The following ZNF791 variants were observed in gnomAD, a reference collection of about 807,000 sequenced individuals.
ZNF791 encodes zinc finger protein 791.
ZNF791 carries 4 observed loss-of-function variants against 11.5 expected under a neutral mutation model. That is an observed-to-expected ratio of 0.35 (90% CI 0.17 to 0.80). ZNF791 has a LOEUF of 0.80. Among genes scored for constraint, ZNF791 ranks in the 30% least tolerant of loss-of-function variants. The pLI is 0.53. For synonymous variants in ZNF791, 212 were observed against 228.1 expected (o/e 0.93, Z 0.64); for missense variants, 559 against 699.4 (o/e 0.80, Z 2.26).
intron 1 of ZNF791, among the ~76,000 whole-genome samples, chr19:12,619,513 G>T (rs544088732): frequency 8.5e-5 from 12 of 140,466 alleles, no homozygotes; most frequent in Non-Finnish European, 1.5e-4. Context: ...GCAGTGGCGC[G>T]ATCTGGGCTC....
In ZNF791 at chr19:12,627,829, T is replaced by C. The variant is rs1481029977; in HGVS notation, c.300T>C (p.Tyr100=). Reference sequence around the variant, plus strand: ...AGAAGACTGCCGGAGTAAAACCATATGAGTGTACTATCTGTGGAAAAGCCT... The same window carrying C: ...AGAAGACTGCCGGAGTAAAACCATACGAGTGTACTATCTGTGGAAAAGCCT... The part of the protein sequence containing the change: ...VTKKTAGVKP[Y]ECTICGKAFM... Residue 100 remains tyrosine, a synonymous_variant, in exon 4 of 4, where the codon TAT becomes TAC. Transcript: ENST00000343325. The C allele has an allele frequency of 6.2e-7, 1 of 1,614,160 alleles. No individual in the cohort carries two copies. Among genetic ancestry groups the C allele is most frequent in the Non-Finnish European group, 8.5e-7 (1 of 1,180,016 alleles).
chr19:12,614,855 A>G (rs1599319999), intron 1 of ZNF791, among the ~76,000 whole-genome samples: 1 of 112,366 alleles, frequency 8.9e-6, no homozygotes, highest in African/African-American at 3.4e-5. Flanking sequence ...GGCCTCCCAG[A>G]GGGCTGGGAT....
rs879920243 is a variant in ZNF791, at chr19:12,616,366, G to A, written c.3+5284G>A. On this transcript the variant is annotated intron_variant, in intron 1 of 3. Coordinates refer to ENST00000343325, the MANE Select transcript of ZNF791 (RefSeq NM_153358.3). ...CCAGCTACTCCAGAGGCTAAAGTGG[G>A]AGGATTGCCTGCACCCAGGATTATA... is the stretch of plus-strand genomic sequence containing the variant. 5.3e-5 allele frequency among the ~76,000 whole-genome samples: 8 copies of A among 152,158 alleles called. No individual in the cohort carries two copies. In the East Asian group the frequency reaches 1.5e-3, roughly 29 times the overall value.
At chr19:12,616,795 A>G (rs2023250065) in intron 1 of ZNF791, among the ~76,000 whole-genome samples, 1 of 152,182 alleles carries the variant, frequency 6.6e-6, no homozygotes, top group Admixed American at 6.6e-5. Context: ...TGTGCCTTTT[A>G]TTTTTATTCT....
intron 1 of ZNF791, among the ~76,000 whole-genome samples, chr19:12,617,971 G>A (rs1184702221): frequency 6.9e-6 from 1 of 145,806 alleles, no homozygotes; most frequent in Non-Finnish European, 1.5e-5. Flanking sequence ...AGGCTGGAGT[G>A]CAGAGGCAAG....
intron 2 of ZNF791, among the ~76,000 whole-genome samples, chr19:12,624,223 G>T (rs146966612): frequency 0.022 from 3,139 of 143,734 alleles, 121 homozygotes; most frequent in African/African-American, 0.078. Context: ...CGGGATCTTG[G>T]CTCACTGTAA....
Position 12,611,158 on chromosome 19 carries a change from C to A in ZNF791, c.3+76C>A, listed in dbSNP as rs2023149538. On this transcript the variant is annotated intron_variant, in intron 1 of 3. Transcript: ENST00000343325. ...GGGCCTCCCCACGGTCACCTCCGGC[C>A]GCAGTGTGGGGCTGGGCTGGCAGCT... 15 of 1,590,040 alleles carry A rather than the reference C, an allele frequency of 9.4e-6. No homozygotes were observed. The South Asian group carries it at 1.6e-4, about 17-fold the overall frequency.
At position 12,617,913 on chromosome 19, in the gene ZNF791, CTTTTTTTTTTTTT is replaced by C. The variant is rs958944041; in HGVS notation, c.4-5778_4-5766del. Among the ~76,000 whole-genome samples, 4 of 94,746 alleles carry C rather than the reference CTTTTTTTTTTTTT, an allele frequency of 4.2e-5. No individual in the cohort carries two copies. In the East Asian group the frequency reaches 8.5e-4, roughly 20 times the overall value. 62.2% of individuals were successfully genotyped at this position (94,746 alleles called of 152,430 possible). A position where few individuals can be genotyped will look rare whatever the true frequency, so the allele number is the denominator to read the frequency against. On this transcript the variant is annotated intron_variant, in intron 1 of 3. Transcript: ENST00000343325. Reference sequence around the variant, plus strand: ...GTGCCACATACAGGGCTAAATTTTGCTTTTTTTTTTTTTTTTTTTTTGAGACAGAGTTTCGTCC... The same window carrying C: ...GTGCCACATACAGGGCTAAATTTTGCTTTTTTTTGAGACAGAGTTTCGTCC...
intron 2 of ZNF791, among the ~76,000 whole-genome samples, chr19:12,624,428 C>T (rs1022098495): frequency 1.3e-5 from 2 of 152,234 alleles, no homozygotes; most frequent in Admixed American, 1.3e-4. Context: ...GTGGGGATTA[C>T]AGGCATGAGC....
intron 1 of ZNF791, 141 bp from the exon 2 acceptor site, chr19:12,623,559 A>G: frequency 9.6e-7 from 1 of 1,044,608 alleles, no homozygotes; most frequent in Middle Eastern, 2.4e-4. Context: ...TATGTGTTCA[A>G]TGTGCTGTTA....
At chr19:12,611,140 C>T (rs2023149068) in intron 1 of ZNF791, 58 bp downstream of exon 1, 1 of 1,607,508 alleles carries the variant, frequency 6.2e-7, no homozygotes, top group East Asian at 2.2e-5. Flanking sequence ...CCCGGGCCTC[C>T]CCACGGTCAC....
intron 1 of ZNF791, among the ~76,000 whole-genome samples, chr19:12,620,863 C>T (rs1005540794): frequency 2.1e-5 from 3 of 143,726 alleles, no homozygotes; most frequent in Non-Finnish European, 4.5e-5. Context: ...CGGGTTCAAG[C>T]GATTCTCCTG....
chr19:12,620,811 A>G (rs1599323538), intron 1 of ZNF791, among the ~76,000 whole-genome samples: 1 of 123,902 alleles, frequency 8.1e-6, no homozygotes, highest in Non-Finnish European at 1.6e-5. Context: ...CCCAGGCTGG[A>G]CTGCAGTGGT....
In ZNF791 at chr19:12,610,970, C is replaced by T; in HGVS notation, c.-110C>T. ...TCGGGTTGTGCTTAGCTTGGGGTCT[C>T]CTGGCCCCTTGACGCGTCAGGTTGC... On this transcript the variant is annotated 5_prime_UTR_variant, in exon 1 of 4. Transcript: ENST00000343325. The T allele has an allele frequency of 2.7e-6, 4 of 1,466,154 alleles. No homozygotes were observed. The highest frequency in any genetic ancestry group is 1.7e-5 in the Admixed American group (1 of 59,102). The allele number at this position is 1,466,154 out of a possible 1,614,324, so 90.8% of individuals were successfully genotyped here. A position where few individuals can be genotyped will look rare whatever the true frequency, so the allele number is the denominator to read the frequency against.
chr19:12,613,871 GA>G (rs2023200277), intron 1 of ZNF791, among the ~76,000 whole-genome samples: 1 of 152,152 alleles, frequency 6.6e-6, no homozygotes, highest in African/African-American at 2.4e-5. Context: ...GGGAAGAGGG[GA>G]GGATGTCTGA....
chr19:12,627,922 A>C lies in ZNF791; in HGVS notation c.393A>C (p.Pro131=), dbSNP rs374732347. The change falls in exon 4 of 4, where the codon CCA becomes CCC. Residue 131 remains proline (P), a synonymous_variant. Transcript: ENST00000343325. ...SHTGYELFEK[P]YKCKECEKAF... is the part of the protein sequence containing the mutation. ...CTGGATACGAGCTATTTGAGAAGCC[A>C]TATAAATGTAAGGAGTGTGAGAAAG... is the stretch of plus-strand genomic sequence containing the variant. 1.3e-5 allele frequency: 21 copies of C among 1,614,228 alleles called. No homozygotes were observed. The African/African-American group carries it at 2.8e-4, about 22-fold the overall frequency.
intron 1 of ZNF791, among the ~76,000 whole-genome samples, chr19:12,614,825 C>G (rs1043520592): frequency 1.2e-4 from 18 of 146,572 alleles, no homozygotes; most frequent in Non-Finnish European, 2.2e-4. Context: ...AGCTCCCCAC[C>G]TAGGTGATCT....
At chr19:12,622,000 C>T (rs979977777) in intron 1 of ZNF791, among the ~76,000 whole-genome samples, 1 of 135,008 alleles carries the variant, frequency 7.4e-6, no homozygotes, top group African/African-American at 2.6e-5. Context: ...TCATTTTGTT[C>T]TGCACTAAGA....
In ZNF791 at chr19:12,628,486, A is replaced by T; in HGVS notation, c.957A>T (p.Glu319Asp). Residue 319 changes from glutamate (E) to aspartate (D), a missense_variant, in exon 4 of 4, where the codon GAA (glutamate) becomes GAT (aspartate). By Grantham distance (45) the Glu-to-Asp change is conservative. Transcript: ENST00000343325. ...FRCSTSIQIH[E>D]RIHTGEKPYK... ...GTTCCACCTCCATTCAAATTCATGAAAGAATTCATACTGGAGAGAAGCCCT... is the reference window on the plus strand; with the variant it reads ...GTTCCACCTCCATTCAAATTCATGATAGAATTCATACTGGAGAGAAGCCCT... 1 of 1,612,598 alleles carries T rather than the reference A, an allele frequency of 6.2e-7. No homozygotes were observed. The highest frequency in any genetic ancestry group is 8.5e-7 in the Non-Finnish European group (1 of 1,179,332).
Sources: allele counts gnomAD v4.1 joint callset (sites outside exome capture counted in the v4.1 genomes callset), GRCh38; gene constraint gnomAD v4.1.1; transcripts MANE v1.5; gene names NCBI Gene and HGNC (gene_info 2026-07-23, HGNC 2026-07-21).